The following GPHN variants were observed in gnomAD, a reference collection of about 807,000 sequenced individuals.
The protein encoded by GPHN is gephyrin.
In GPHN, 17 loss-of-function variants were observed where a neutral mutation model predicts 95.5. The ratio of observed to expected loss-of-function variants is 0.18; its 90% CI spans 0.12 to 0.27. The LOEUF is 0.27. GPHN is among the 10% of genes least tolerant of loss of function. The pLI, the probability that GPHN is intolerant of heterozygous loss-of-function variation, is 1.00. For synonymous variants in GPHN, 320 were observed against 322.5 expected, an observed-to-expected ratio of 0.99 and a Z score of 0.08; for missense variants, 660 against 978.1, an observed-to-expected ratio of 0.67 and a Z score of 4.34.
At chr14:67,562,500 A>T in the GPHN span, 1 of 1,612,574 alleles carries the variant, frequency 6.2e-7, no homozygotes. Context: ...GTTACTGCTC[A>T]GAGAGGGATG....
chr14:66,872,563 T>C (rs1260823376), intron 4 of GPHN, among the ~76,000 whole-genome samples: 1 of 152,156 alleles, frequency 6.6e-6, no homozygotes, highest in African/African-American at 2.4e-5. Context: ...AATTTTCCTT[T>C]CATTAGTGTA....
At chr14:67,427,783 C>A in the GPHN span, among the ~76,000 whole-genome samples, 2 of 152,136 alleles carry the variant, frequency 1.3e-5, no homozygotes, top group Non-Finnish European at 2.9e-5. Context: ...TCTCCTCAGG[C>A]CCCCCTGCAC....
At chr14:67,255,729 G>A in the GPHN span, among the ~76,000 whole-genome samples, 1 of 152,224 alleles carries the variant, frequency 6.6e-6, no homozygotes, top group Admixed American at 6.5e-5. Flanking sequence ...TGCCCAGGCT[G>A]TAGTGCAGTA....
the GPHN span, chr14:67,651,179 C>A: frequency 2.9e-6 from 3 of 1,028,456 alleles, no homozygotes; most frequent in Middle Eastern, 6.4e-4. Flanking sequence ...CATTTATTAC[C>A]TTGGTATATC....
chr14:66,922,539 T>C, intron 6 of GPHN, 127 bp from the exon 7 acceptor site: 2 of 694,496 alleles, frequency 2.9e-6, no homozygotes, highest in South Asian at 1.8e-5. Context: ...ATGTTTTACA[T>C]ATGATTGATT....
At chr14:66,617,295 A>T (rs568715344) in intron 1 of GPHN, among the ~76,000 whole-genome samples, 1 of 152,192 alleles carries the variant, frequency 6.6e-6, no homozygotes, top group African/African-American at 2.4e-5. Flanking sequence ...CTGAAAGGCT[A>T]TTGAGAATCT....
intron 2 of GPHN, among the ~76,000 whole-genome samples, chr14:66,722,010 C>G (rs2070792421): frequency 1.4e-5 from 2 of 146,072 alleles, no homozygotes; most frequent in Non-Finnish European, 3.0e-5. Context: ...GAAAGTTTGT[C>G]AAAAATGTCA....
At chr14:67,199,065 GCTACCAGGCCGAT>G in the GPHN span, 1 of 842,106 alleles carries the variant, frequency 1.2e-6, no homozygotes, top group East Asian at 2.5e-5. Context: ...TTTTGCCATG[GCTACCAGGCCGAT>G]CTCCGAGCGG....
At chr14:67,486,644 T>C in the GPHN span, among the ~76,000 whole-genome samples, 1 of 152,158 alleles carries the variant, frequency 6.6e-6, no homozygotes, top group Non-Finnish European at 1.5e-5. Context: ...CCTTGTAATA[T>C]GTGACTTGCT....
the GPHN span, among the ~76,000 whole-genome samples, chr14:67,438,367 T>C: frequency 6.6e-6 from 1 of 152,200 alleles, no homozygotes; most frequent in East Asian, 1.9e-4. Flanking sequence ...CTCTGAGAAT[T>C]GTAGATTTCT....
At chr14:67,297,398 C>T in the GPHN span, among the ~76,000 whole-genome samples, 12 of 152,064 alleles carry the variant, frequency 7.9e-5, no homozygotes, top group Non-Finnish European at 1.6e-4. Flanking sequence ...AAAAGGCTAT[C>T]TCTGGGTGTT....
chr14:67,382,612 T>C, the GPHN span: 1 of 1,613,420 alleles, frequency 6.2e-7, no homozygotes, highest in Non-Finnish European at 8.5e-7. Flanking sequence ...AGATTCATTT[T>C]TAATAATGAC....
chr14:67,572,208 C>G, the GPHN span: 2 of 1,609,016 alleles, frequency 1.2e-6, no homozygotes, highest in Non-Finnish European at 1.7e-6. Flanking sequence ...TGGACAGTGA[C>G]TACTCAGAGC....
the GPHN span, among the ~76,000 whole-genome samples, chr14:67,490,257 G>T: frequency 1.3e-5 from 2 of 152,200 alleles, no homozygotes; most frequent in Non-Finnish European, 2.9e-5. Flanking sequence ...GGTGAAGGAA[G>T]CAAGGAGTGT....
chr14:67,297,354 T>C, the GPHN span, among the ~76,000 whole-genome samples: 4 of 152,192 alleles, frequency 2.6e-5, no homozygotes, highest in Admixed American at 2.6e-4. Context: ...TTAAACTGCA[T>C]GTAAGAGGTA....
At chr14:67,366,098 T>A in the GPHN span, among the ~76,000 whole-genome samples, 1 of 149,984 alleles carries the variant, frequency 6.7e-6, no homozygotes, top group African/African-American at 2.5e-5. Context: ...TTTTTTTTTT[T>A]AAGAATTGGG....
Position 67,113,141 on chromosome 14 carries a change from A to G in GPHN, c.1596A>G (p.Pro532=). 3 of 1,613,906 alleles carry G rather than the reference A, an allele frequency of 1.9e-6. No homozygotes were observed. Among genetic ancestry groups the G allele is most frequent in the Non-Finnish European group, 2.5e-6 (3 of 1,179,808 alleles). Residue 532 remains proline (P), a synonymous_variant, in exon 16 of 23, where the codon CCA becomes CCG. Transcript: ENST00000478722. ...CAGAGGTTGAAGTTAATAAGTTTCC[A>G]GTGGTTGCAGTCATGTCAACAGGGA... The part of the protein sequence containing the change: ...GVTEVEVNKF[P]VVAVMSTGNE...
At chr14:67,669,437 T>G in the GPHN span, among the ~76,000 whole-genome samples, 1 of 108,560 alleles carries the variant, frequency 9.2e-6, no homozygotes, top group African/African-American at 4.2e-5. Context: ...ACTACTCAGC[T>G]TTTTTTTTTT....
the GPHN span, among the ~76,000 whole-genome samples, chr14:67,237,732 T>C: frequency 6.6e-6 from 1 of 152,120 alleles, no homozygotes; most frequent in South Asian, 2.1e-4. Context: ...GAAGGGAGGG[T>C]ATTTACTATG....
Sources: gnomAD v4.1 joint callset for allele counts (sites outside exome capture counted in the v4.1 genomes callset) on GRCh38, gnomAD v4.1.1 for gene constraint, MANE v1.5 for transcripts, NCBI Gene and HGNC (gene_info 2026-07-23, HGNC 2026-07-21) for gene names.